Variants in MCC observed in about 807,000 individuals in gnomAD.
MCC encodes the protein MCC regulator of Wnt signaling pathway.
Under a neutral mutation model 116.2 loss-of-function variants are expected in MCC, and 90 were observed. The observed-to-expected ratio is 0.77, with a 90% CI of 0.65 to 0.92. The LOEUF is 0.92. Among genes scored for constraint, MCC ranks in the 40% least tolerant of loss-of-function variants. The pLI is 0.00. For synonymous variants in MCC, 578 were observed against 510.5 expected (o/e 1.13, Z -1.78); for missense variants, 1,516 against 1,312.2 (o/e 1.16, Z -2.40).
chr5:113,053,939 C>G lies in MCC; in HGVS notation c.2234G>C (p.Ser745Thr). ...SHTSTTSSTA[S>T]SCDTEFTKED... ...TTTAGTGAACTCGGTGTCGCAACTACTGGCTGTGGAGCTGGTTGTGCTGAG... is the reference window on the plus strand; with the variant it reads ...TTTAGTGAACTCGGTGTCGCAACTAGTGGCTGTGGAGCTGGTTGTGCTGAG... The change falls in exon 15 of 19, where the codon AGT (serine) becomes ACT (threonine). Residue 745 changes from serine (S) to threonine (T), a missense_variant. By Grantham distance (58) the Ser-to-Thr change is moderately conservative. Coordinates refer to ENST00000408903, the MANE Select transcript of MCC (RefSeq NM_001085377.2). The G allele has an allele frequency of 1.2e-6, 2 of 1,613,038 alleles. No individual in the cohort carries two copies. The highest frequency in any genetic ancestry group is 1.1e-5 in the South Asian group (1 of 91,052).
chr5:113,317,470 G>A (rs980001800), intron 3 of MCC, among the ~76,000 whole-genome samples: 7 of 152,210 alleles, frequency 4.6e-5, no homozygotes, highest in African/African-American at 1.4e-4. Flanking sequence ...TAATCAAATG[G>A]GTCATCACTA....
intron 12 of MCC, 62 bp from the exon 13 acceptor site, chr5:113,068,245 G>A (rs1417076397): frequency 3.8e-6 from 5 of 1,314,526 alleles, no homozygotes; most frequent in South Asian, 2.4e-5. Flanking sequence ...TCAATGTGGC[G>A]CCGGTTTCTG....
At chr5:113,221,620 G>A (rs1763555137) in intron 3 of MCC, among the ~76,000 whole-genome samples, 1 of 152,204 alleles carries the variant, frequency 6.6e-6, no homozygotes, top group African/African-American at 2.4e-5. Flanking sequence ...ATCAGTGGTT[G>A]AGATATTTTG....
intron 3 of MCC, among the ~76,000 whole-genome samples, chr5:113,309,471 T>C (rs1767085546): frequency 6.6e-6 from 1 of 152,250 alleles, no homozygotes; most frequent in Admixed American, 6.5e-5. Flanking sequence ...TATTTGGCTT[T>C]CTATTCCCAG....
chr5:113,062,965 T>C (rs565822667), intron 14 of MCC, among the ~76,000 whole-genome samples: 2 of 152,332 alleles, frequency 1.3e-5, no homozygotes, highest in African/African-American at 4.8e-5. Context: ...TCTGGTCACT[T>C]AGTCTGCAAG....
At chr5:113,361,255 C>CAAA (rs1768540250) in intron 2 of MCC, among the ~76,000 whole-genome samples, 1 of 115,474 alleles carries the variant, frequency 8.7e-6, no homozygotes, top group Non-Finnish European at 1.8e-5. Context: ...TTTCATAAAT[C>CAAA]TTTAAAAAAA....
chr5:113,229,129 G>A (rs1317094985), intron 3 of MCC, among the ~76,000 whole-genome samples: 1 of 152,176 alleles, frequency 6.6e-6, no homozygotes, highest in Non-Finnish European at 1.5e-5. Context: ...TGGGTGAGAA[G>A]AGGTGGAAGG....
intron 3 of MCC, among the ~76,000 whole-genome samples, chr5:113,251,512 G>T (rs1291855387): frequency 6.6e-6 from 1 of 152,174 alleles, no homozygotes; most frequent in Non-Finnish European, 1.5e-5. Context: ...AAATGATTCA[G>T]GAGGGCAGCA....
intron 3 of MCC, among the ~76,000 whole-genome samples, chr5:113,286,363 T>C (rs558132952): frequency 6.6e-6 from 1 of 152,324 alleles, no homozygotes; most frequent in East Asian, 1.9e-4. Flanking sequence ...GGCCATCTTT[T>C]CCCTAGTTGG....
rs146490268 is a variant in MCC, at chr5:113,281,290, T to G, written c.627+59229A>C. On this transcript the variant is annotated intron_variant, in intron 3 of 18. Transcript: ENST00000408903. ...GCAACTCGTACAGTAATTCACAAAG[T>G]GTGCATCACTGATAAAACTTCTACA... Among the ~76,000 whole-genome samples, 47 of 152,312 alleles carry G rather than the reference T, an allele frequency of 3.1e-4. No homozygotes were observed. In the East Asian group the frequency reaches 8.5e-3, roughly 27 times the overall value.
chr5:113,400,232 C>A (rs1261352914), intron 1 of MCC, among the ~76,000 whole-genome samples: 1 of 145,926 alleles, frequency 6.9e-6, no homozygotes, highest in Non-Finnish European at 1.5e-5. Context: ...AAGTGATTCT[C>A]CCGCCTCAGC....
chr5:113,029,806 A>C (rs536078248), intron 17 of MCC, among the ~76,000 whole-genome samples: 2 of 152,198 alleles, frequency 1.3e-5, no homozygotes, highest in Non-Finnish European at 2.9e-5. Flanking sequence ...CTCCCTTCCA[A>C]GATCCTTCTA....
At chr5:113,186,870 G>A (rs1761918899) in intron 3 of MCC, among the ~76,000 whole-genome samples, 1 of 152,126 alleles carries the variant, frequency 6.6e-6, no homozygotes, top group African/African-American at 2.4e-5. Flanking sequence ...AGACATTTCT[G>A]GTTTTCACAA....
chr5:113,130,097 A>T (rs1020768326), intron 5 of MCC, among the ~76,000 whole-genome samples: 1 of 152,236 alleles, frequency 6.6e-6, no homozygotes, highest in Admixed American at 6.5e-5. Flanking sequence ...AATGCCCATC[A>T]AGGATAGACT....
In MCC at chr5:113,023,744, T is replaced by TAATA. The variant is rs1356488443; in HGVS notation, c.*3554_*3557dup. On this transcript the variant is annotated 3_prime_UTR_variant, in exon 19 of 19. Transcript: ENST00000408903. ...GACACTTTCAGAGATGTTTATTTTT[T>TAATA]AATAGTCATCTTGATATGTTATCAC... The TAATA allele has an allele frequency of 4.6e-5, 7 of 152,260 alleles. No individual in the cohort carries two copies. Among genetic ancestry groups the TAATA allele is most frequent in the Non-Finnish European group, 2.9e-5 (2 of 68,048 alleles). 9.4% of individuals were successfully genotyped at this position (152,260 alleles called of 1,614,324 possible).
intron 13 of MCC, among the ~76,000 whole-genome samples, chr5:113,064,837 A>G (rs947763030): frequency 3.3e-5 from 5 of 152,168 alleles, no homozygotes; most frequent in African/African-American, 1.2e-4. Flanking sequence ...CCTGCCCAAA[A>G]TGTTCACATT....
At chr5:113,163,089 T>C (rs1027735099) in intron 3 of MCC, among the ~76,000 whole-genome samples, 1 of 152,152 alleles carries the variant, frequency 6.6e-6, no homozygotes, top group Non-Finnish European at 1.5e-5. Context: ...GCCTGGAAAC[T>C]GGAGTAGCCT....
intron 3 of MCC, among the ~76,000 whole-genome samples, chr5:113,172,215 A>G (rs1353695874): frequency 6.6e-6 from 1 of 152,212 alleles, no homozygotes; most frequent in East Asian, 1.9e-4. Context: ...ATCACTTAAG[A>G]CAGGATTCAG....
chr5:113,162,956 A>T (rs1297559275), intron 3 of MCC, among the ~76,000 whole-genome samples: 3 of 152,200 alleles, frequency 2.0e-5, no homozygotes, highest in Non-Finnish European at 4.4e-5. Context: ...AACACATTGG[A>T]GCCTAGATCA....
Sources: allele counts gnomAD v4.1 joint callset (sites outside exome capture counted in the v4.1 genomes callset), GRCh38; gene constraint gnomAD v4.1.1; transcripts MANE v1.5; gene names NCBI Gene and HGNC (gene_info 2026-07-23, HGNC 2026-07-21).